The following SDK2 variants were observed in gnomAD, a reference collection of about 807,000 sequenced individuals.
SDK2 encodes the protein sidekick cell adhesion molecule 2.
Under a neutral mutation model 253.9 loss-of-function variants are expected in SDK2, and 105 were observed. The ratio of observed to expected loss-of-function variants is 0.41; its 90% confidence interval spans 0.35 to 0.49. The LOEUF is 0.49. Ranked by LOEUF, SDK2 falls within the 20% of genes least tolerant of loss-of-function variation. The probability of loss-of-function intolerance (pLI) is 0.06; values close to 1 mark genes in which losing one functional copy is unlikely to be tolerated. For synonymous variants in SDK2, 1,249 were observed against 1,234.9 expected, an observed-to-expected ratio of 1.01 and a Z score of -0.24; for missense variants, 2,608 against 3,003.0, an observed-to-expected ratio of 0.87 and a Z score of 3.07.
Position 73,353,277 on chromosome 17 carries a change from C to T in SDK2, c.5594-640G>A, listed in dbSNP as rs73996192. ...ACACTATGGATTCTGTCTTCCACTT[C>T]ATTAAAAATGGTTGGAAACATGATT... On this transcript the variant is annotated intron_variant, in intron 40 of 44. Transcript: ENST00000392650. 5.4e-3 allele frequency among the ~76,000 whole-genome samples: 817 copies of T among 152,288 alleles called. 9 individuals carry two copies. Among genetic ancestry groups the T allele is most frequent in the African/African-American group, 0.019 (780 of 41,566 alleles).
intron 1 of SDK2, among the ~76,000 whole-genome samples, chr17:73,508,325 G>C (rs930221179): frequency 6.6e-6 from 1 of 152,276 alleles, no homozygotes; most frequent in Non-Finnish European, 1.5e-5. Flanking sequence ...GACAGAGACC[G>C]TGAATTTCGC....
At chr17:73,394,679 A>G (rs2062955968) in intron 25 of SDK2, among the ~76,000 whole-genome samples, 1 of 152,214 alleles carries the variant, frequency 6.6e-6, no homozygotes, top group Non-Finnish European at 1.5e-5. Flanking sequence ...AAAAAGCCAC[A>G]GAGCAGTGAA....
chr17:73,431,620 G>C lies in SDK2; in HGVS notation c.1362C>G (p.Pro454=). The C allele has an allele frequency of 1.9e-6, 3 of 1,613,360 alleles. No homozygotes were observed. The highest frequency in any genetic ancestry group is 1.7e-6 in the Non-Finnish European group (2 of 1,179,670). The part of the protein sequence containing the change: ...SGSVQLPRFT[P]LESGSLLISP... Reference sequence around the variant, plus strand: ...TGATGAGGAGGCTGCCCGACTCCAGGGGTGTGAAGCGAGGCAGCTGCACAG... The same window carrying C: ...TGATGAGGAGGCTGCCCGACTCCAGCGGTGTGAAGCGAGGCAGCTGCACAG... Residue 454 remains proline (P), a synonymous_variant, in exon 11 of 45, where the codon CCC becomes CCG. Coordinates refer to ENST00000392650, the MANE Select transcript of SDK2 (RefSeq NM_001144952.2). The surrounding 1 kb of genome is among the most constrained non-coding windows in gnomAD (Gnocchi z 5.6).
At chr17:73,590,120 G>T (rs2045662102) in intron 1 of SDK2, among the ~76,000 whole-genome samples, 1 of 152,262 alleles carries the variant, frequency 6.6e-6, no homozygotes, top group Non-Finnish European at 1.5e-5. Context: ...CAGGAAACAG[G>T]GAGCCGATGA....
intron 3 of SDK2, among the ~76,000 whole-genome samples, chr17:73,461,533 C>T (rs1396252497): frequency 3.3e-5 from 5 of 151,950 alleles, no homozygotes; most frequent in South Asian, 2.1e-4. Context: ...AGGGGAAGTA[C>T]GTGAAGGCTC....
chr17:73,643,946 G>C lies in SDK2; in HGVS notation c.64+79C>G. Reference sequence around the variant, plus strand: ...CCGGGTGTCCAGGAGGTCACCGTGAGGCCGGCCAGCTCCCGCCGCCCCTCC... The same window carrying C: ...CCGGGTGTCCAGGAGGTCACCGTGACGCCGGCCAGCTCCCGCCGCCCCTCC... On this transcript the variant is annotated intron_variant, in intron 1 of 44. Coordinates refer to ENST00000392650, the MANE Select transcript of SDK2 (RefSeq NM_001144952.2). This position sits in a 1 kb window ranked among gnomAD's most constrained non-coding sequence, Gnocchi z 6.9. The C allele has an allele frequency of 9.9e-7, 1 of 1,015,132 alleles. No individual in the cohort carries two copies. Among genetic ancestry groups the C allele is most frequent in the Non-Finnish European group, 1.5e-6 (1 of 670,204 alleles). 62.9% of individuals were successfully genotyped at this position (1,015,132 alleles called of 1,614,324 possible).
Position 73,598,351 on chromosome 17 carries a change from G to A in SDK2, c.64+45674C>T, listed in dbSNP as rs2045789682. On this transcript the variant is annotated intron_variant, in intron 1 of 44. Transcript: ENST00000392650. ...TCATTGGCCGACGGCACCTGTGCGG[G>A]CTCATGCAGGGCAGCTCAGATGGCA... Among the ~76,000 whole-genome samples the A allele has an allele frequency of 2.0e-5, 3 of 152,114 alleles. No individual in the cohort carries two copies. In the South Asian group the frequency reaches 6.2e-4, roughly 32 times the overall value.
chr17:73,596,217 G>A lies in SDK2; in HGVS notation c.64+47808C>T, dbSNP rs1048250947. Among the ~76,000 whole-genome samples the A allele has an allele frequency of 3.9e-5, 6 of 152,164 alleles. No homozygotes were observed. The East Asian group carries it at 1.2e-3, about 29-fold the overall frequency. ...CTGGGGCGGCAGGGGTAGTGGAGAG[G>A]GACCCGCAGGGTGAGTGGGGAGGCA... On this transcript the variant is annotated intron_variant, in intron 1 of 44. Transcript: ENST00000392650.
chr17:73,366,952 G>C (rs1024352854), intron 37 of SDK2, among the ~76,000 whole-genome samples: 1 of 152,146 alleles, frequency 6.6e-6, no homozygotes, highest in Non-Finnish European at 1.5e-5. Flanking sequence ...ATGTAAACCA[G>C]ACCCTGTTGC....
chr17:73,508,773 C>T (rs554346214), intron 1 of SDK2, among the ~76,000 whole-genome samples: 58 of 152,332 alleles, frequency 3.8e-4, no homozygotes, highest in African/African-American at 1.3e-3. Context: ...AGCTGGAGCA[C>T]TTGAGCCCAC....
At chr17:73,417,000 A>C (rs939912759) in intron 16 of SDK2, among the ~76,000 whole-genome samples, 2 of 152,234 alleles carry the variant, frequency 1.3e-5, no homozygotes, top group African/African-American at 4.8e-5. Flanking sequence ...AATTAAGAAA[A>C]AGTTATATCA....
intron 44 of SDK2, among the ~76,000 whole-genome samples, chr17:73,344,582 C>G (rs913446933): frequency 8.5e-5 from 13 of 152,366 alleles, no homozygotes; most frequent in African/African-American, 3.1e-4. Flanking sequence ...GTTTCACTTG[C>G]ATGGCAGGAC....
chr17:73,602,527 T>TA (rs1011882667), intron 1 of SDK2, among the ~76,000 whole-genome samples: 1 of 151,646 alleles, frequency 6.6e-6, no homozygotes, highest in African/African-American at 2.4e-5. Context: ...TAAGTTCTTT[T>TA]TTTTTTTTTT....
chr17:73,378,942 C>T (rs1296114425), intron 36 of SDK2, among the ~76,000 whole-genome samples: 1 of 152,208 alleles, frequency 6.6e-6, no homozygotes, highest in East Asian at 1.9e-4. Flanking sequence ...CTCAGCCTGC[C>T]CTCAGGAAGC....
chr17:73,355,174 A>ATATATATATATATATATATTT, intron 40 of SDK2, among the ~76,000 whole-genome samples: 10 of 47,234 alleles, frequency 2.1e-4, no homozygotes, highest in South Asian at 1.8e-3. Flanking sequence ...ATATATATAT[A>ATATATATATATATATATATTT]TTTTTTTTTT....
At chr17:73,341,328 A>C (rs927005248) in intron 44 of SDK2, among the ~76,000 whole-genome samples, 2 of 151,432 alleles carry the variant, frequency 1.3e-5, no homozygotes, top group African/African-American at 4.9e-5. Context: ...CTCGGTTGGA[A>C]AGTAAAATCT....
chr17:73,447,514 C>T lies in SDK2; in HGVS notation c.613+101G>A, dbSNP rs1362984249. On this transcript the variant is annotated intron_variant, in intron 5 of 44. Coordinates refer to ENST00000392650, the MANE Select transcript of SDK2 (RefSeq NM_001144952.2). The surrounding 1 kb of genome is among the most constrained non-coding windows in gnomAD (Gnocchi z 4.0). ...CCGGCCGTCCCCTAGCTTCCCTGTC[C>T]CCCTCCTCTGCCACTCCATCTTCCC... 8 of 1,488,250 alleles carry T rather than the reference C, an allele frequency of 5.4e-6. No homozygotes were observed. In the African/African-American group the frequency reaches 8.3e-5, roughly 16 times the overall value. The allele number at this position is 1,488,250 out of a possible 1,614,324, so 92.2% of individuals were successfully genotyped here.
chr17:73,386,517 C>A lies in SDK2; in HGVS notation c.4426G>T (p.Val1476Leu). The A allele has an allele frequency of 6.4e-7, 1 of 1,560,176 alleles. No homozygotes were observed. The highest frequency in any genetic ancestry group is 8.7e-7 in the Non-Finnish European group (1 of 1,151,842). Reference protein sequence around the residue: ...LKPFTSYKFRVKATNDIGDSE... With the variant: ...LKPFTSYKFRLKATNDIGDSE... ...TCGCCAATGTCATTGGTCGCCTTCA[C>A]TCGGAACTTGTAGGACGTGAAGGGC... The change falls in exon 31 of 45, where the codon GTG (valine) becomes TTG (leucine). Residue 1476 changes from valine to leucine, a missense_variant. Physicochemically the swap from Val to Leu is conservative, Grantham distance 32. This residue lies in a region of SDK2 where 1,103 missense variants were observed against 1,143.9 expected (regional missense o/e 0.96). Transcript: ENST00000392650.
intron 24 of SDK2, among the ~76,000 whole-genome samples, chr17:73,396,277 G>A (rs995382994): frequency 6.6e-6 from 1 of 152,132 alleles, no homozygotes; most frequent in African/African-American, 2.4e-5. Context: ...AAGGTTGTGT[G>A]GATGACCATG....
Sources: allele counts gnomAD v4.1 joint callset (sites outside exome capture counted in the v4.1 genomes callset), GRCh38; gene constraint gnomAD v4.1.1; regional missense constraint gnomAD v4.1.1; non-coding constraint Gnocchi (gnomAD v3.1); transcripts MANE v1.5; gene names NCBI Gene and HGNC (gene_info 2026-07-23, HGNC 2026-07-21).